The following MON2 variants were observed in gnomAD, a reference collection of about 807,000 sequenced individuals.
The protein encoded by MON2 is MON2 regulator of endosome-to-Golgi trafficking.
MON2 carries 84 observed loss-of-function variants against 208.6 expected under a neutral mutation model. The observed-to-expected ratio is 0.40, with a 90% confidence interval of 0.34 to 0.48. The LOEUF is 0.48. MON2 is among the 20% of genes least tolerant of loss of function. MON2 has a pLI of 0.59. For missense variants in MON2, 1,611 were observed against 2,015.4 expected (o/e 0.80, Z 3.84); for synonymous variants, 660 against 694.0 (o/e 0.95, Z 0.77).
intron 34 of MON2, among the ~76,000 whole-genome samples, chr12:62,591,757 A>G (rs1313616339): frequency 6.6e-6 from 1 of 152,210 alleles, no homozygotes; most frequent in African/African-American, 2.4e-5. Flanking sequence ...GGCAATTGAC[A>G]CCCAGTAAAT....
At chr12:62,469,929 A>T (rs2068710501) in intron 1 of MON2, among the ~76,000 whole-genome samples, 1 of 112,796 alleles carries the variant, frequency 8.9e-6, no homozygotes, top group African/African-American at 2.8e-5. Context: ...TTTATTTGAG[A>T]CAGGATCTCT....
At chr12:62,522,387 T>G (rs1294306179) in intron 8 of MON2, among the ~76,000 whole-genome samples, 1 of 152,194 alleles carries the variant, frequency 6.6e-6, no homozygotes, top group Admixed American at 6.5e-5. Context: ...ACAAATAGAC[T>G]CCTACATGAA....
At chr12:62,482,003 T>A (rs1225584605) in intron 1 of MON2, among the ~76,000 whole-genome samples, 1 of 152,188 alleles carries the variant, frequency 6.6e-6, no homozygotes, top group Non-Finnish European at 1.5e-5. Context: ...TGGATGCTGT[T>A]GATTGCACTT....
chr12:62,476,330 T>C lies in MON2; in HGVS notation c.112-7840T>C, dbSNP rs151211509. Among the ~76,000 whole-genome samples, 7 of 152,308 alleles carry C rather than the reference T, an allele frequency of 4.6e-5. No individual in the cohort carries two copies. The East Asian group carries it at 1.4e-3, about 29-fold the overall frequency. On this transcript the variant is annotated intron_variant, in intron 1 of 34. Transcript: ENST00000393630. ...CAGTGTACACTTGACTTCGGGTCTT[T>C]TGATTTTACCTGACATCTGAAATCA...
chr12:62,495,279 C>A, intron 4 of MON2, 132 bp downstream of exon 4: 1 of 737,690 alleles, frequency 1.4e-6, no homozygotes, highest in Non-Finnish European at 2.1e-6. Context: ...ATTGACATTG[C>A]ATGTTAATAA....
chr12:62,554,670 A>T (rs983948161), intron 24 of MON2, among the ~76,000 whole-genome samples: 3 of 151,698 alleles, frequency 2.0e-5, no homozygotes, highest in Non-Finnish European at 4.4e-5. Flanking sequence ...AATTTTTAAA[A>T]TTTTTTTTGT....
chr12:62,498,334 A>G (rs1480384810), intron 4 of MON2, among the ~76,000 whole-genome samples: 1 of 152,178 alleles, frequency 6.6e-6, no homozygotes, highest in Admixed American at 6.5e-5. Context: ...GGCCACGGGT[A>G]GAGGAAGAGA....
chr12:62,588,698 T>A (rs1431023680), intron 34 of MON2, among the ~76,000 whole-genome samples: 9 of 152,148 alleles, frequency 5.9e-5, no homozygotes, highest in Admixed American at 5.9e-4. Context: ...TATTTTTCAT[T>A]TACCGTTTCC....
intron 8 of MON2, 89 bp downstream of exon 8, chr12:62,508,569 T>C: frequency 8.7e-7 from 1 of 1,155,440 alleles, no homozygotes; most frequent in East Asian, 2.4e-5. Context: ...ATTTAGTTTT[T>C]TCAATTCAGT....
At position 62,599,979 on chromosome 12, in the gene MON2, G is replaced by A. The variant is rs922400005; in HGVS notation, c.*7230G>A. On this transcript the variant is annotated 3_prime_UTR_variant, in exon 35 of 35. Transcript: ENST00000393630. ...TTAAAACATATGTTGTGTGTTTTAA[G>A]AAGTTATGTTATAAATAACAGCATT... 3.9e-5 allele frequency: 6 copies of A among 152,186 alleles called. No individual in the cohort carries two copies. The highest frequency in any genetic ancestry group is 1.4e-4 in the African/African-American group (6 of 41,444). 9.4% of individuals were successfully genotyped at this position (152,186 alleles called of 1,614,324 possible).
intron 7 of MON2, 30 bp from the exon 8 acceptor site, chr12:62,508,256 T>C: frequency 6.4e-7 from 1 of 1,558,350 alleles, no homozygotes; most frequent in Admixed American, 1.8e-5. Context: ...AAGTTAATTA[T>C]TTTTTTCTTT....
At position 62,592,792 on chromosome 12, in the gene MON2, T is replaced by C. The variant is rs2075439333; in HGVS notation, c.*43T>C. 1 of 1,503,946 alleles carries C rather than the reference T, an allele frequency of 6.6e-7. No homozygotes were observed. Among genetic ancestry groups the C allele is most frequent in the Non-Finnish European group, 9.0e-7 (1 of 1,106,332 alleles). The allele number at this position is 1,503,946 out of a possible 1,614,324, so 93.2% of individuals were successfully genotyped here. Reference sequence around the variant, plus strand: ...GAAAGCAGGAAGATAGTCTAAAAAATGTTTGCTCCTAATTGAGTCTTCTGT... The same window carrying C: ...GAAAGCAGGAAGATAGTCTAAAAAACGTTTGCTCCTAATTGAGTCTTCTGT... On this transcript the variant is annotated 3_prime_UTR_variant, in exon 35 of 35. Coordinates refer to ENST00000393630, the MANE Select transcript of MON2 (RefSeq NM_015026.3).
At chr12:62,494,927 C>G in intron 3 of MON2, 89 bp from the exon 4 acceptor site, 1 of 876,530 alleles carries the variant, frequency 1.1e-6, no homozygotes, top group Non-Finnish European at 1.6e-6. Context: ...TCCTCTTCAG[C>G]TGATGTAGGT....
chr12:62,505,033 T>C (rs1448514205), intron 7 of MON2, among the ~76,000 whole-genome samples: 2 of 152,168 alleles, frequency 1.3e-5, no homozygotes, highest in African/African-American at 2.4e-5. Context: ...GCAGTGACCC[T>C]GAGAAAGGAT....
chr12:62,565,958 A>G, intron 27 of MON2, 56 bp from the exon 28 acceptor site: 1 of 1,488,304 alleles, frequency 6.7e-7, no homozygotes, highest in African/African-American at 1.4e-5. Context: ...AGTAGTTTAA[A>G]TATGTATTAA....
In MON2 at chr12:62,597,504, A is replaced by G. The variant is rs547295464; in HGVS notation, c.*4755A>G. 6.6e-6 allele frequency: 1 copy of G among 152,278 alleles called. No homozygotes were observed. The highest frequency in any genetic ancestry group is 2.1e-4 in the South Asian group (1 of 4,826). The allele number at this position is 152,278 out of a possible 1,614,324, so 9.4% of individuals were successfully genotyped here. The stretch of plus-strand genomic sequence containing the variant: ...GGTAAAGTTCCCCTGCCATTTTGAA[A>G]TAGCTGAACAAGTTAAAGTAATATG... On this transcript the variant is annotated 3_prime_UTR_variant, in exon 35 of 35. Transcript: ENST00000393630.
Position 62,599,640 on chromosome 12 carries a change from G to A in MON2, c.*6891G>A, listed in dbSNP as rs2075589773. On this transcript the variant is annotated 3_prime_UTR_variant, in exon 35 of 35. Coordinates refer to ENST00000393630, the MANE Select transcript of MON2 (RefSeq NM_015026.3). ...ATTTTACAGAAGAGTCAAGGATTAG[G>A]GGGTTGAAGTGAGCTGCCTAGAGTC... is the stretch of plus-strand genomic sequence containing the variant. The A allele has an allele frequency of 2.6e-5, 4 of 152,130 alleles. No homozygotes were observed. The South Asian group carries it at 8.3e-4, about 31-fold the overall frequency. 9.4% of individuals were successfully genotyped at this position (152,130 alleles called of 1,614,324 possible).
chr12:62,540,072 T>G (rs767388587), intron 19 of MON2, among the ~76,000 whole-genome samples: 23 of 152,232 alleles, frequency 1.5e-4, no homozygotes, highest in Non-Finnish European at 3.2e-4. Context: ...TCTACATATT[T>G]GAGATTCTTA....
intron 22 of MON2, among the ~76,000 whole-genome samples, chr12:62,548,756 CAG>C (rs2136289957): frequency 6.6e-6 from 1 of 152,196 alleles, no homozygotes; most frequent in South Asian, 2.1e-4. Context: ...ACTAAGCACT[CAG>C]AGTATTAGCA....
Sources: allele counts gnomAD v4.1 joint callset (sites outside exome capture counted in the v4.1 genomes callset), GRCh38; gene constraint gnomAD v4.1.1; transcripts MANE v1.5; gene names NCBI Gene and HGNC (gene_info 2026-07-23, HGNC 2026-07-21).